Variants in TYW1B observed in about 807,000 individuals in gnomAD.
TYW1B encodes the protein tRNA-yW synthesizing protein 1 homolog B, also known as S-adenosyl-L-methionine-dependent tRNA 4-demethylwyosine synthase TYW1B.
A neutral mutation model predicts 86.9 loss-of-function variants in TYW1B; 73 were observed. That is an observed-to-expected ratio of 0.84 (90% CI 0.70 to 1.02). The LOEUF (loss-of-function observed/expected upper bound fraction) is 1.02, where lower values mean the gene tolerates loss of function less well. Ranked by LOEUF, TYW1B falls within the 50% of genes least tolerant of loss-of-function variation. TYW1B has a pLI of 0.00. For missense variants in TYW1B, 637 were observed against 827.4 expected (o/e 0.77, Z 2.82); for synonymous variants, 248 against 292.8 (o/e 0.85, Z 1.56).
chr7:72,700,913 A>T (rs1814450719), intron 10 of TYW1B, among the ~76,000 whole-genome samples: 1 of 152,112 alleles, frequency 6.6e-6, no homozygotes, highest in Admixed American at 6.6e-5. Flanking sequence ...CTAAAAATAC[A>T]AAAATTAGCC....
intron 7 of TYW1B, among the ~76,000 whole-genome samples, chr7:72,749,904 T>C (rs561531010): frequency 1.2e-5 from 1 of 86,532 alleles, no homozygotes; most frequent in Non-Finnish European, 2.6e-5. Flanking sequence ...TCTATGTTGG[T>C]TTTTTTTGTT....
intron 11 of TYW1B, among the ~76,000 whole-genome samples, chr7:72,673,145 C>T (rs1166457174): frequency 5.9e-5 from 9 of 152,088 alleles, no homozygotes; most frequent in Non-Finnish European, 2.9e-5. Flanking sequence ...CCAGCCTGGG[C>T]GACAGAGCAA....
chr7:72,674,300 G>A (rs1554446932), intron 11 of TYW1B, among the ~76,000 whole-genome samples: 1 of 152,114 alleles, frequency 6.6e-6, no homozygotes, highest in Non-Finnish European at 1.5e-5. Flanking sequence ...AGGAAGAAGT[G>A]CATGGTGTGA....
At chr7:72,606,842 C>A (rs1442901995) in intron 13 of TYW1B, among the ~76,000 whole-genome samples, 2 of 152,120 alleles carry the variant, frequency 1.3e-5, no homozygotes. Context: ...CTCATGCCAT[C>A]CCCACAGTGC....
At position 72,603,322 on chromosome 7, in the gene TYW1B, TGATGGATGGATG is replaced by T. The variant is rs34898249; in HGVS notation, c.1785+13338_1785+13349del. On this transcript the variant is annotated intron_variant, in intron 13 of 13. Coordinates refer to ENST00000620995, the MANE Select transcript of TYW1B (RefSeq NM_001145440.3). ...GATGATTGATGGATGGACAGATAGA[TGATGGATGGATG>T]GATGGATGGATGGATGGATGGACGA... 2.2e-4 allele frequency among the ~76,000 whole-genome samples: 31 copies of T among 137,866 alleles called. 1 individual carries two copies. The highest frequency in any genetic ancestry group is 9.0e-4 in the Admixed American group (13 of 14,392). 90.4% of individuals were successfully genotyped at this position (137,866 alleles called of 152,430 possible).
At chr7:72,680,629 C>G (rs552238658) in intron 11 of TYW1B, among the ~76,000 whole-genome samples, 1 of 152,272 alleles carries the variant, frequency 6.6e-6, no homozygotes, top group South Asian at 2.1e-4. Flanking sequence ...TAGTGCGAGT[C>G]AATTCTCCAA....
intron 13 of TYW1B, among the ~76,000 whole-genome samples, chr7:72,586,241 T>C (rs1396857884): frequency 1.3e-5 from 2 of 152,114 alleles, no homozygotes; most frequent in Non-Finnish European, 2.9e-5. Flanking sequence ...CCAGCAGGGA[T>C]GTGTGATGAT....
At chr7:72,815,010 A>T (rs556643798) in intron 3 of TYW1B, among the ~76,000 whole-genome samples, 1 of 149,552 alleles carries the variant, frequency 6.7e-6, no homozygotes, top group African/African-American at 2.5e-5. Flanking sequence ...CGGACACTGC[A>T]CTGAACTGAG....
At chr7:72,733,697 C>T (rs1179929270) in intron 8 of TYW1B, among the ~76,000 whole-genome samples, 1 of 152,014 alleles carries the variant, frequency 6.6e-6, no homozygotes, top group Non-Finnish European at 1.5e-5. Flanking sequence ...AATTGCATAT[C>T]ACTGAGGAAA....
chr7:72,632,475 AAT>A (rs1313773210), intron 11 of TYW1B, among the ~76,000 whole-genome samples: 2 of 130,412 alleles, frequency 1.5e-5, no homozygotes, highest in East Asian at 2.1e-4. Flanking sequence ...ATATATATAA[AAT>A]ATATATATAC....
intron 7 of TYW1B, among the ~76,000 whole-genome samples, chr7:72,765,110 T>C (rs1240593742): frequency 6.6e-6 from 1 of 152,182 alleles, no homozygotes; most frequent in Non-Finnish European, 1.5e-5. Context: ...AAAATGTGCA[T>C]TGAATGCCTG....
chr7:72,625,926 A>G (rs1454828523), intron 12 of TYW1B, among the ~76,000 whole-genome samples: 4 of 151,206 alleles, frequency 2.6e-5, no homozygotes, highest in South Asian at 4.2e-4. Flanking sequence ...AAGGAAATGA[A>G]AAAAGGGGAG....
chr7:72,815,551 T>TG, intron 2 of TYW1B, 70 bp from the exon 3 acceptor site: 1 of 1,399,460 alleles, frequency 7.1e-7, no homozygotes, highest in Non-Finnish European at 9.9e-7. Context: ...TTACCCCTGT[T>TG]GGCACAAGAA....
intron 2 of TYW1B, among the ~76,000 whole-genome samples, chr7:72,818,578 CAAAAAAAAAAA>C (rs57325230): frequency 2.6e-5 from 1 of 38,432 alleles, no homozygotes; most frequent in Admixed American, 3.0e-4. Flanking sequence ...GACTCCATCT[CAAAAAAAAAAA>C]AAAAAAAAAA....
Position 72,740,896 on chromosome 7 carries a change from A to G in TYW1B, c.1082+3588T>C, listed in dbSNP as rs180970435. 1.8e-4 allele frequency among the ~76,000 whole-genome samples: 28 copies of G among 151,870 alleles called. No homozygotes were observed. In the East Asian group the frequency reaches 4.7e-3, roughly 25 times the overall value. ...CAGGTGCCCACCACCACGCCTGGCT[A>G]ATTTTTTGTATTTTTAGTAGAGACA... On this transcript the variant is annotated intron_variant, in intron 8 of 13. Transcript: ENST00000620995.
chr7:72,636,128 T>C (rs1343690381), intron 11 of TYW1B, among the ~76,000 whole-genome samples: 2 of 152,244 alleles, frequency 1.3e-5, no homozygotes, highest in South Asian at 4.1e-4. Context: ...TTTTATAGTT[T>C]TCAATATAAA....
In TYW1B at chr7:72,828,071, C is replaced by G. The variant is rs1788974372; in HGVS notation, c.4+1G>C. On this transcript the variant is annotated splice_donor_variant, in intron 1 of 13. Coordinates refer to ENST00000620995, the MANE Select transcript of TYW1B (RefSeq NM_001145440.3). LOFTEE classifies it high-confidence loss of function. ...GGTCCTTGCCCGCCGAGTGCCCTTA[C>G]CCATCCTCCTCAGAGCCGACAGGAG... 2 of 1,614,036 alleles carry G rather than the reference C, an allele frequency of 1.2e-6. No individual in the cohort carries two copies. Among genetic ancestry groups the G allele is most frequent in the Non-Finnish European group, 1.7e-6 (2 of 1,179,964 alleles).
chr7:72,654,180 G>C (rs1813144476), intron 11 of TYW1B, among the ~76,000 whole-genome samples: 2 of 151,340 alleles, frequency 1.3e-5, no homozygotes, highest in South Asian at 2.1e-4. Flanking sequence ...ACAGCTAATA[G>C]CAAACTTAAC....
Position 72,713,663 on chromosome 7 carries a change from G to T in TYW1B, c.1328C>A (p.Ser443Tyr). 1 of 1,614,098 alleles carries T rather than the reference G, an allele frequency of 6.2e-7. No individual in the cohort carries two copies. Among genetic ancestry groups the T allele is most frequent in the Non-Finnish European group, 8.5e-7 (1 of 1,180,012 alleles). ...FLKLLHQCKI[S>Y]SFLVTNAQFP... ...TTGTGCATTTGTGACCAGGAAGCTG[G>T]AGATTTTACACTGGTGGAGTAGCTT... is the stretch of plus-strand genomic sequence containing the variant. The change falls in exon 10 of 14, where the codon TCC (serine) becomes TAC (tyrosine). Residue 443 changes from serine (S) to tyrosine (Y), a missense_variant. By Grantham distance (144) the Ser-to-Tyr change is moderately radical. Coordinates refer to ENST00000620995, the MANE Select transcript of TYW1B (RefSeq NM_001145440.3).
Sources: allele counts gnomAD v4.1 joint callset (sites outside exome capture counted in the v4.1 genomes callset), GRCh38; gene constraint gnomAD v4.1.1; transcripts MANE v1.5; gene names NCBI Gene and HGNC (gene_info 2026-07-23, HGNC 2026-07-21).